Variants in DAZAP1 observed in about 807,000 individuals in gnomAD.
DAZAP1 encodes the protein DAZ associated protein 1.
A neutral mutation model predicts 60.1 loss-of-function variants in DAZAP1; 6 were observed. The observed-to-expected ratio is 0.10, with a 90% CI of 0.05 to 0.20. The LOEUF is 0.20. Among genes scored for constraint, DAZAP1 ranks in the 10% least tolerant of loss-of-function variants. The probability of loss-of-function intolerance (pLI) is 1.00; values close to 1 mark genes in which losing one functional copy is unlikely to be tolerated. For missense variants in DAZAP1, 366 were observed against 560.4 expected, an observed-to-expected ratio of 0.65 and a Z score of 3.50; for synonymous variants, 235 against 215.9, an observed-to-expected ratio of 1.09 and a Z score of -0.78.
chr19:1,434,580 C>T lies in DAZAP1; in HGVS notation c.1049-157C>T, dbSNP rs942544203. ...GAGAGAACATGCCCGGGGTCCTCTC[C>T]CCGGCCCAGGTGCTGGCCTCAGAAG... On this transcript the variant is annotated intron_variant, in intron 11 of 11. Transcript: ENST00000233078. This position sits in a 1 kb window ranked among gnomAD's most constrained non-coding sequence, Gnocchi z 8.0. 5 of 663,266 alleles carry T rather than the reference C, an allele frequency of 7.5e-6. No individual in the cohort carries two copies. In the Admixed American group the frequency reaches 9.5e-5, roughly 13 times the overall value. 41.1% of individuals were successfully genotyped at this position (663,266 alleles called of 1,614,324 possible).
At chr19:1,430,138 G>C (rs919330399) in intron 9 of DAZAP1, 84 bp from the exon 10 acceptor site, 1 of 1,518,154 alleles carries the variant, frequency 6.6e-7, no homozygotes, top group Non-Finnish European at 9.0e-7. Context: ...GCCTGCTAGG[G>C]CCCCTGGCAG....
intron 9 of DAZAP1, 84 bp from the exon 10 acceptor site, chr19:1,430,138 G>T (rs919330399): frequency 2.0e-6 from 3 of 1,518,154 alleles, no homozygotes; most frequent in Non-Finnish European, 2.7e-6. Flanking sequence ...GCCTGCTAGG[G>T]CCCCTGGCAG....
chr19:1,410,391 G>A (rs79863028), intron 1 of DAZAP1, among the ~76,000 whole-genome samples: 15 of 152,168 alleles, frequency 9.9e-5, no homozygotes, highest in African/African-American at 3.6e-4. Flanking sequence ...TGGGAGCGGG[G>A]CCTGTCCTGG....
chr19:1,431,016 C>T (rs2083437694), intron 10 of DAZAP1, among the ~76,000 whole-genome samples: 1 of 151,702 alleles, frequency 6.6e-6, no homozygotes, highest in South Asian at 2.1e-4. Flanking sequence ...TGACTGCGCC[C>T]AGCCTCACAG....
chr19:1,418,841 G>A lies in DAZAP1; in HGVS notation c.303+110G>A, dbSNP rs2083064636. On this transcript the variant is annotated intron_variant, in intron 4 of 11. Coordinates refer to ENST00000233078, the MANE Select transcript of DAZAP1 (RefSeq NM_018959.4). The surrounding 1 kb of genome is among the most constrained non-coding windows in gnomAD (Gnocchi z 5.7). ...CTCGTTAAGATTGAGGGCGACGCAG[G>A]TCTTCTGGGTTGGCACTCGAGCAGC... The A allele has an allele frequency of 8.6e-7, 1 of 1,165,190 alleles. No individual in the cohort carries two copies. The highest frequency in any genetic ancestry group is 1.2e-6 in the Non-Finnish European group (1 of 823,078). The allele number at this position is 1,165,190 out of a possible 1,614,324, so 72.2% of individuals were successfully genotyped here.
rs544840235 is a variant in DAZAP1 at position 1,434,430 on chromosome 19, A to G, written c.1049-307A>G. ...TGTCTCCAAGCCCCGAGGCTTCTCT[A>G]CCTCCCCTCACCCCCCCAACCACGT... is the stretch of plus-strand genomic sequence containing the variant. On this transcript the variant is annotated intron_variant, in intron 11 of 11. Coordinates refer to ENST00000233078, the MANE Select transcript of DAZAP1 (RefSeq NM_018959.4). The surrounding 1 kb of genome is among the most constrained non-coding windows in gnomAD (Gnocchi z 8.0). 20 of 332,256 alleles carry G rather than the reference A, an allele frequency of 6.0e-5. No homozygotes were observed. Among genetic ancestry groups the G allele is most frequent in the Admixed American group, 9.4e-5 (2 of 21,330 alleles). The allele number at this position is 332,256 out of a possible 1,614,324, so 20.6% of individuals were successfully genotyped here. A position where few individuals can be genotyped will look rare whatever the true frequency, so the allele number is the denominator to read the frequency against.
In DAZAP1 at chr19:1,417,558, G is replaced by A. The variant is rs1384603404; in HGVS notation, c.70+18G>A. 2.5e-6 allele frequency: 4 copies of A among 1,600,164 alleles called. No homozygotes were observed. The highest frequency in any genetic ancestry group is 2.7e-5 in the African/African-American group (2 of 74,828). ...GACCCAAGGTAGGTGGGGAAGGGGTGTCAGGTGGGTACTGCAGATGGGCTC... is the reference window on the plus strand; with the variant it reads ...GACCCAAGGTAGGTGGGGAAGGGGTATCAGGTGGGTACTGCAGATGGGCTC... On this transcript the variant is annotated intron_variant, in intron 2 of 11. Transcript: ENST00000233078.
chr19:1,423,757 G>A lies in DAZAP1; in HGVS notation c.463+1361G>A, dbSNP rs781727792. On this transcript the variant is annotated intron_variant, in intron 6 of 11. Coordinates refer to ENST00000233078, the MANE Select transcript of DAZAP1 (RefSeq NM_018959.4). This position sits in a 1 kb window ranked among gnomAD's most constrained non-coding sequence, Gnocchi z 6.8. ...CTCTGATCTTGGGAAACTTGAGCGC[G>A]CGGGAATCTGAGGGTTGCTTCTAGA... is the stretch of plus-strand genomic sequence containing the variant. 2.6e-5 allele frequency among the ~76,000 whole-genome samples: 4 copies of A among 152,254 alleles called. No individual in the cohort carries two copies. Among genetic ancestry groups the A allele is most frequent in the African/African-American group, 4.8e-5 (2 of 41,460 alleles).
chr19:1,409,653 C>G (rs1169849673), intron 1 of DAZAP1, among the ~76,000 whole-genome samples: 4 of 151,948 alleles, frequency 2.6e-5, no homozygotes, highest in African/African-American at 9.7e-5. Flanking sequence ...TATGCGGAGT[C>G]CACGGTCTGC....
intron 4 of DAZAP1, among the ~76,000 whole-genome samples, chr19:1,419,187 C>T (rs549214763): frequency 5.9e-5 from 9 of 152,352 alleles, no homozygotes; most frequent in Admixed American, 4.6e-4. Flanking sequence ...CTTGCCTGGC[C>T]GACAGGGCAC....
chr19:1,432,856 A>C lies in DAZAP1; in HGVS notation c.1048+166A>C. 1 of 729,450 alleles carries C rather than the reference A, an allele frequency of 1.4e-6. No homozygotes were observed. Among genetic ancestry groups the C allele is most frequent in the Non-Finnish European group, 2.2e-6 (1 of 454,802 alleles). The allele number at this position is 729,450 out of a possible 1,614,324, so 45.2% of individuals were successfully genotyped here. ...GGGGTTGTTGGAGAGATCTCGTGGC[A>C]ACTCGGGTCCAGCAGAAGGGAGCGT... On this transcript the variant is annotated intron_variant, in intron 11 of 11. Transcript: ENST00000233078. This position sits in a 1 kb window ranked among gnomAD's most constrained non-coding sequence, Gnocchi z 4.9.
intron 1 of DAZAP1, among the ~76,000 whole-genome samples, chr19:1,414,886 C>T (rs1219128785): frequency 1.3e-5 from 2 of 151,164 alleles, no homozygotes; most frequent in Non-Finnish European, 2.9e-5. Flanking sequence ...TGCAGTGACA[C>T]AATCACGGCT....
chr19:1,434,652 G>GCGGAGCTGTGTCCAGGTGGCCTCGCTCGA lies in DAZAP1; in HGVS notation c.1049-81_1049-53dup. 6.8e-7 allele frequency: 1 copy of GCGGAGCTGTGTCCAGGTGGCCTCGCTCGA among 1,469,176 alleles called. No individual in the cohort carries two copies. Among genetic ancestry groups the GCGGAGCTGTGTCCAGGTGGCCTCGCTCGA allele is most frequent in the African/African-American group, 1.4e-5 (1 of 70,798 alleles). 91.0% of individuals were successfully genotyped at this position (1,469,176 alleles called of 1,614,324 possible). On this transcript the variant is annotated intron_variant, in intron 11 of 11. Transcript: ENST00000233078. The surrounding 1 kb of genome is among the most constrained non-coding windows in gnomAD (Gnocchi z 8.0). The stretch of plus-strand genomic sequence containing the variant: ...GACCCGTGGACTCAAGGCAGGCTCG[G>GCGGAGCTGTGTCCAGGTGGCCTCGCTCGA]CGGAGCTGTGTCCAGGTGGCCTCGC...
In DAZAP1 at chr19:1,426,862, C is replaced by T. The variant is rs760950818; in HGVS notation, c.546+902C>T. 3 of 152,204 alleles carry T rather than the reference C, an allele frequency of 2.0e-5. No homozygotes were observed. The highest frequency in any genetic ancestry group is 4.4e-5 in the Non-Finnish European group (3 of 68,042). 9.4% of individuals were successfully genotyped at this position (152,204 alleles called of 1,614,324 possible). On this transcript the variant is annotated intron_variant, in intron 7 of 11. Coordinates refer to ENST00000233078, the MANE Select transcript of DAZAP1 (RefSeq NM_018959.4). The surrounding 1 kb of genome is among the most constrained non-coding windows in gnomAD (Gnocchi z 5.4). ...GGCCTCCTTGGTGCGGCAGCTTCTC[C>T]CGTTAACGGAAGAAGACGCTTAGCC...
chr19:1,427,241 G>T lies in DAZAP1; in HGVS notation c.546+1281G>T, dbSNP rs1365149064. On this transcript the variant is annotated intron_variant, in intron 7 of 11. Coordinates refer to ENST00000233078, the MANE Select transcript of DAZAP1 (RefSeq NM_018959.4). ...GGGACTACGACACTGACAATTTGGG[G>T]AAAGCGTGGTCTTGATATACGGGGC... is the stretch of plus-strand genomic sequence containing the variant. The T allele has an allele frequency of 9.8e-5, 15 of 152,452 alleles. No individual in the cohort carries two copies. The East Asian group carries it at 2.7e-3, about 27-fold the overall frequency. 9.4% of individuals were successfully genotyped at this position (152,452 alleles called of 1,614,324 possible).
Position 1,434,580 on chromosome 19 carries a change from C to G in DAZAP1, c.1049-157C>G, listed in dbSNP as rs942544203. The G allele has an allele frequency of 9.0e-6, 6 of 663,384 alleles. No homozygotes were observed. Among genetic ancestry groups the G allele is most frequent in the Middle Eastern group, 4.3e-4 (1 of 2,312 alleles). 41.1% of individuals were successfully genotyped at this position (663,384 alleles called of 1,614,324 possible). On this transcript the variant is annotated intron_variant, in intron 11 of 11. Coordinates refer to ENST00000233078, the MANE Select transcript of DAZAP1 (RefSeq NM_018959.4). This position sits in a 1 kb window ranked among gnomAD's most constrained non-coding sequence, Gnocchi z 8.0. ...GAGAGAACATGCCCGGGGTCCTCTC[C>G]CCGGCCCAGGTGCTGGCCTCAGAAG...
rs775856707 is a variant in DAZAP1, at chr19:1,434,165, C to T, written c.1049-572C>T. 7 of 287,012 alleles carry T rather than the reference C, an allele frequency of 2.4e-5. No individual in the cohort carries two copies. The highest frequency in any genetic ancestry group is 8.2e-5 in the East Asian group (1 of 12,182). The allele number at this position is 287,012 out of a possible 1,614,324, so 17.8% of individuals were successfully genotyped here. ...CCTGAGGTCGGCTGTGTGGGCCGGA[C>T]GGGCTGCAGGGTGTGCTGGCCCCTC... On this transcript the variant is annotated intron_variant, in intron 11 of 11. Coordinates refer to ENST00000233078, the MANE Select transcript of DAZAP1 (RefSeq NM_018959.4). This position sits in a 1 kb window ranked among gnomAD's most constrained non-coding sequence, Gnocchi z 8.0.
At position 1,429,224 on chromosome 19, in the gene DAZAP1, G is replaced by A. The variant is rs1299614531; in HGVS notation, c.700+229G>A. 2.0e-5 allele frequency among the ~76,000 whole-genome samples: 3 copies of A among 152,370 alleles called. No individual in the cohort carries two copies. In the East Asian group the frequency reaches 5.8e-4, roughly 29 times the overall value. ...GCCACGGCTTAGGTGCCCGTCCGGG[G>A]CCTGGGACTCATTGTCACCGGGAAG... On this transcript the variant is annotated intron_variant, in intron 8 of 11. Coordinates refer to ENST00000233078, the MANE Select transcript of DAZAP1 (RefSeq NM_018959.4).
rs531329637 is a variant in DAZAP1 at position 1,426,841 on chromosome 19, T to C, written c.546+881T>C. ...TGCCCAGTGGGATTCTGACCCGGCC[T>C]CCTTGGTGCGGCAGCTTCTCCCGTT... On this transcript the variant is annotated intron_variant, in intron 7 of 11. Transcript: ENST00000233078. This position sits in a 1 kb window ranked among gnomAD's most constrained non-coding sequence, Gnocchi z 5.4. The C allele has an allele frequency of 1.3e-5, 2 of 152,326 alleles. No individual in the cohort carries two copies. Among genetic ancestry groups the C allele is most frequent in the East Asian group, 3.9e-4 (2 of 5,184 alleles). 9.4% of individuals were successfully genotyped at this position (152,326 alleles called of 1,614,324 possible). A position where few individuals can be genotyped will look rare whatever the true frequency, so the allele number is the denominator to read the frequency against.
Sources: allele counts gnomAD v4.1 joint callset (sites outside exome capture counted in the v4.1 genomes callset), GRCh38; gene constraint gnomAD v4.1.1; non-coding constraint Gnocchi (gnomAD v3.1); transcripts MANE v1.5; gene names NCBI Gene and HGNC (gene_info 2026-07-23, HGNC 2026-07-21).